Variants in AK7 observed in about 807,000 individuals in gnomAD.
The protein encoded by AK7 is adenylate kinase 7, also known as ATP-AMP transphosphorylase 7.
Under a neutral mutation model 96.6 loss-of-function variants are expected in AK7, and 78 were observed. The observed-to-expected ratio is 0.81, with a 90% CI of 0.67 to 0.97. The LOEUF (loss-of-function observed/expected upper bound fraction) is 0.97. Ranked by LOEUF, AK7 falls within the 50% of genes least tolerant of loss-of-function variation. The pLI is 0.00. For missense variants in AK7, 855 were observed against 887.9 expected, an observed-to-expected ratio of 0.96 and a Z score of 0.47; for synonymous variants, 302 against 317.2, an observed-to-expected ratio of 0.95 and a Z score of 0.51.
intron 5 of AK7, chr14:96,423,856 G>T: frequency 1.2e-6 from 1 of 841,880 alleles, no homozygotes; most frequent in Non-Finnish European, 2.1e-6. Flanking sequence ...GGATGGGCTC[G>T]TCACATTTCA....
At chr14:96,486,832 G>A (rs1430272415) in intron 16 of AK7, 66 bp from the exon 17 acceptor site, 8 of 1,464,584 alleles carry the variant, frequency 5.5e-6, no homozygotes, top group African/African-American at 1.4e-5. Context: ...ACTGTAGGGT[G>A]AACTGTGTGA....
At position 96,420,859 on chromosome 14, in the gene AK7, G is replaced by A. The variant is rs773691138; in HGVS notation, c.536G>A (p.Arg179Gln). 17 of 1,613,372 alleles carry A rather than the reference G, an allele frequency of 1.1e-5. No homozygotes were observed. The highest frequency in any genetic ancestry group is 2.7e-5 in the African/African-American group (2 of 74,876). The change falls in exon 5 of 18, where the codon CGA becomes CAA. Residue 179 changes from arginine to glutamine, a missense_variant. Coordinates refer to ENST00000267584, the MANE Select transcript of AK7 (RefSeq NM_152327.5). Reference sequence around the variant, plus strand: ...GTTCCATTCACTGAAGAAGATTATCGAAGAAGAAAGTCTCATCCTAATTTT... The same window carrying A: ...GTTCCATTCACTGAAGAAGATTATCAAAGAAGAAAGTCTCATCCTAATTTT... ...SEVPFTEEDY[R>Q]RRKSHPNFLD...
At chr14:96,435,629 G>A (rs1420644199) in intron 5 of AK7, among the ~76,000 whole-genome samples, 1 of 152,056 alleles carries the variant, frequency 6.6e-6, no homozygotes, top group African/African-American at 2.4e-5. Flanking sequence ...CAGTCCTTAT[G>A]GCCTGGATTG....
intron 14 of AK7, among the ~76,000 whole-genome samples, chr14:96,476,592 A>G (rs1895196907): frequency 6.6e-6 from 1 of 152,084 alleles, no homozygotes; most frequent in Non-Finnish European, 1.5e-5. Context: ...CGGTCTTACC[A>G]AGCAGAAATC....
At chr14:96,475,486 C>T (rs1331829236) in intron 14 of AK7, among the ~76,000 whole-genome samples, 1 of 152,158 alleles carries the variant, frequency 6.6e-6, no homozygotes, top group East Asian at 1.9e-4. Flanking sequence ...CGGGTGGTCT[C>T]TAGTTGCCTG....
chr14:96,421,749 G>T lies in AK7; in HGVS notation c.609+817G>T, dbSNP rs567516703. 3.3e-5 allele frequency among the ~76,000 whole-genome samples: 5 copies of T among 152,084 alleles called. No individual in the cohort carries two copies. The South Asian group carries it at 6.2e-4, about 19-fold the overall frequency. ...GCCTCCCGGGTAGCTGGGACTACAGGCACGTGCCACCATGCTCGGCTAATT... is the reference window on the plus strand; with the variant it reads ...GCCTCCCGGGTAGCTGGGACTACAGTCACGTGCCACCATGCTCGGCTAATT... On this transcript the variant is annotated intron_variant, in intron 5 of 17. Coordinates refer to ENST00000267584, the MANE Select transcript of AK7 (RefSeq NM_152327.5).
At position 96,398,242 on chromosome 14, in the gene AK7, C is replaced by T. The variant is rs543208617; in HGVS notation, c.273C>T (p.Asp91=). Residue 91 remains aspartate, a synonymous_variant, in exon 2 of 18, where the codon GAC becomes GAT. Coordinates refer to ENST00000267584, the MANE Select transcript of AK7 (RefSeq NM_152327.5). Reference sequence around the variant, plus strand: ...CCAAGCCTGACAGCCCGCGGCCTGACTTTGCGGTGGAGACGTACTCTGTAA... The same window carrying T: ...CCAAGCCTGACAGCCCGCGGCCTGATTTTGCGGTGGAGACGTACTCTGTAA... ...TLSKPDSPRP[D]FAVETYSAIS... 33 of 1,613,182 alleles carry T rather than the reference C, an allele frequency of 2.0e-5. No homozygotes were observed. The highest frequency in any genetic ancestry group is 4.5e-5 in the East Asian group (2 of 44,892).
intron 4 of AK7, among the ~76,000 whole-genome samples, chr14:96,420,234 C>T (rs572510398): frequency 1.3e-5 from 2 of 151,750 alleles, no homozygotes; most frequent in South Asian, 2.1e-4. Context: ...TGGTGGTTCA[C>T]GCCTGTAATC....
At chr14:96,457,500 C>T (rs1330107422) in intron 11 of AK7, among the ~76,000 whole-genome samples, 1 of 152,086 alleles carries the variant, frequency 6.6e-6, no homozygotes, top group African/African-American at 2.4e-5. Context: ...TTGTTGCCCC[C>T]AGTTATGAAA....
chr14:96,429,602 T>C (rs1892229464), intron 5 of AK7, among the ~76,000 whole-genome samples: 1 of 152,220 alleles, frequency 6.6e-6, no homozygotes, highest in Non-Finnish European at 1.5e-5. Flanking sequence ...GAGCATGGAA[T>C]GTTCTTCCAA....
Position 96,399,895 on chromosome 14 carries a change from A to G in AK7, c.294+1632A>G, listed in dbSNP as rs753812273. Among the ~76,000 whole-genome samples, 93 of 151,916 alleles carry G rather than the reference A, an allele frequency of 6.1e-4. No individual in the cohort carries two copies. Among genetic ancestry groups the G allele is most frequent in the Non-Finnish European group, 1.1e-3 (77 of 67,994 alleles). On this transcript the variant is annotated intron_variant, in intron 2 of 17. Transcript: ENST00000267584. This position sits in a 1 kb window ranked among gnomAD's most constrained non-coding sequence, Gnocchi z 4.1. ...CAACCCTATAGCTTCAGCTCCCCAT[A>G]TAGCCAGTGCTTTTTTTGCCTGTCT...
intron 6 of AK7, 105 bp downstream of exon 6, chr14:96,438,020 A>G: frequency 1.1e-6 from 1 of 894,572 alleles, no homozygotes; most frequent in Non-Finnish European, 1.7e-6. Context: ...GTGCAGTAGA[A>G]TAGCAGAAGA....
chr14:96,483,175 G>A lies in AK7; in HGVS notation c.1930G>A (p.Glu644Lys), dbSNP rs1416969933. The A allele has an allele frequency of 2.5e-6, 4 of 1,612,682 alleles. No individual in the cohort carries two copies. Among genetic ancestry groups the A allele is most frequent in the Non-Finnish European group, 3.4e-6 (4 of 1,179,480 alleles). ...TGAGGAAGCAGAACGCGAGCACCAG[G>A]AGGCCGTGGAGATGGCAGAGAAGAT... The part of the protein sequence containing the change: ...AAEEAEREHQ[E>K]AVEMAEKIAR... The change falls in exon 16 of 18, where the codon GAG becomes AAG. Residue 644 changes from glutamate (E) to lysine (K), a missense_variant. Glu to Lys is a moderately conservative substitution (Grantham distance 56). Coordinates refer to ENST00000267584, the MANE Select transcript of AK7 (RefSeq NM_152327.5).
intron 5 of AK7, chr14:96,424,228 G>A (rs1050246869): frequency 3.7e-5 from 17 of 465,594 alleles, no homozygotes; most frequent in African/African-American, 3.4e-4. Context: ...GCGGGGCCGA[G>A]CGGAGCGCGC....
At chr14:96,456,645 C>T in intron 11 of AK7, 170 bp downstream of exon 11, 1 of 653,100 alleles carries the variant, frequency 1.5e-6, no homozygotes, top group Non-Finnish European at 2.5e-6. Flanking sequence ...CATCTGGCTT[C>T]TCTTCCCCCT....
At position 96,451,479 on chromosome 14, in the gene AK7, A is replaced by C. The variant is rs1893601669; in HGVS notation, c.1007A>C (p.Glu336Ala). The C allele has an allele frequency of 6.2e-7, 1 of 1,600,038 alleles. No homozygotes were observed. ...NLRMEALFVK[E>A]NFNIRWAAQT... is the part of the protein sequence containing the mutation. ...AGAATGGAAGCGCTCTTTGTGAAGG[A>C]GAATTTTAATATTCGATGGGCTGCC... Residue 336 changes from glutamate to alanine, a missense_variant, in exon 10 of 18, where the codon GAG (glutamate) becomes GCG (alanine). By Grantham distance (107) the Glu-to-Ala change is moderately radical. Coordinates refer to ENST00000267584, the MANE Select transcript of AK7 (RefSeq NM_152327.5).
chr14:96,398,552 C>G (rs1425676560), intron 2 of AK7: 3 of 400,616 alleles, frequency 7.5e-6, no homozygotes, highest in Non-Finnish European at 1.4e-5. Flanking sequence ...CTTGCATTAT[C>G]CAAGACGAGT....
intron 6 of AK7, among the ~76,000 whole-genome samples, chr14:96,438,595 G>A (rs1009364278): frequency 1.3e-5 from 2 of 152,164 alleles, no homozygotes; most frequent in African/African-American, 2.4e-5. Context: ...GGAGAACAGC[G>A]GTAATGAGGT....
At chr14:96,405,359 T>C (rs1419352048) in intron 3 of AK7, among the ~76,000 whole-genome samples, 1 of 151,916 alleles carries the variant, frequency 6.6e-6, no homozygotes, top group African/African-American at 2.4e-5. Flanking sequence ...AATTTTTTTT[T>C]TTTTGGCAGA....
Sources: gnomAD v4.1 joint callset for allele counts (sites outside exome capture counted in the v4.1 genomes callset) on GRCh38, gnomAD v4.1.1 for gene constraint, Gnocchi (gnomAD v3.1) non-coding constraint, MANE v1.5 for transcripts, NCBI Gene and HGNC (gene_info 2026-07-23, HGNC 2026-07-21) for gene names.